NPIPB2: variants seen among roughly 807,000 people sequenced by gnomAD.
NPIPB2 encodes nuclear pore complex interacting protein family member B2.
Under a neutral mutation model 30.8 loss-of-function variants are expected in NPIPB2, and 27 were observed. The ratio of observed to expected loss-of-function variants is 0.88; its 90% confidence interval spans 0.65 to 1.21. The LOEUF is 1.21. Ranked by LOEUF, NPIPB2 falls within the 50% of genes most tolerant of loss-of-function variation. The pLI is 0.00. For missense variants in NPIPB2, 440 were observed against 446.2 expected, an observed-to-expected ratio of 0.99 and a Z score of 0.13; for synonymous variants, 147 against 162.0, an observed-to-expected ratio of 0.91 and a Z score of 0.70.
In NPIPB2 at chr16:11,972,862, C is replaced by CAA. The variant is rs200717499; in HGVS notation, c.-584+3704_-584+3705dup. ...CTGGCAACAGAGCGAGATTCGGACT[C>CAA]AAAAAAAAAAAAAAATAGCTGGGCG... is the stretch of plus-strand genomic sequence containing the variant. On this transcript the variant is annotated intron_variant, in intron 1 of 5. Coordinates refer to the NPIPB2 transcript ENST00000538896. 4.5e-3 allele frequency among the ~76,000 whole-genome samples: 449 copies of CAA among 100,378 alleles called. 3 individuals are homozygous for CAA. The highest frequency in any genetic ancestry group is 0.016 in the African/African-American group (405 of 25,504). 65.9% of individuals were successfully genotyped at this position (100,378 alleles called of 152,430 possible).
intron 1 of NPIPB2, chr16:11,965,532 C>A: frequency 7.1e-7 from 1 of 1,418,412 alleles, no homozygotes; most frequent in Non-Finnish European, 9.7e-7. Flanking sequence ...AGAGAATCAA[C>A]ATAATGGGCA....
intron 1 of NPIPB2, among the ~76,000 whole-genome samples, chr16:11,951,666 A>ACACACACACCCC (rs1226047972): frequency 0.019 from 2,667 of 138,722 alleles, 71 homozygotes; most frequent in East Asian, 0.058. Context: ...ACACACACAC[A>ACACACACACCCC]CCCAGCCCCC....
At chr16:11,971,435 G>A (rs1391518125) in intron 1 of NPIPB2, among the ~76,000 whole-genome samples, 1 of 151,636 alleles carries the variant, frequency 6.6e-6, no homozygotes, top group Non-Finnish European at 1.5e-5. Context: ...AAGCAGGTAT[G>A]GGGGAGTGGG....
At chr16:11,937,095 G>C (rs2054877295) in intron 2 of NPIPB2, among the ~76,000 whole-genome samples, 2 of 151,860 alleles carry the variant, frequency 1.3e-5, no homozygotes, top group Non-Finnish European at 2.9e-5. Flanking sequence ...TTTTCAGCTG[G>C]TTCCCATGTT....
chr16:11,951,454 C>G (rs2055061104), intron 1 of NPIPB2, among the ~76,000 whole-genome samples: 1 of 72,894 alleles, frequency 1.4e-5, no homozygotes, highest in African/African-American at 5.6e-5. Flanking sequence ...ACAGACAAGA[C>G]TGTCTCAAAA....
chr16:11,947,265 G>A (rs1213357191), intron 1 of NPIPB2, among the ~76,000 whole-genome samples: 1 of 146,702 alleles, frequency 6.8e-6, no homozygotes, highest in Non-Finnish European at 1.5e-5. Context: ...TGAATGGTGT[G>A]TGTGTGTGTG....
intron 1 of NPIPB2, among the ~76,000 whole-genome samples, chr16:11,960,343 G>C (rs1056682662): frequency 6.7e-6 from 1 of 148,542 alleles, no homozygotes; most frequent in Middle Eastern, 3.5e-3. Flanking sequence ...GGCTTCCCAG[G>C]TATGGTTCCC....
chr16:11,938,782 T>G (rs1024045881), intron 1 of NPIPB2, among the ~76,000 whole-genome samples: 11 of 152,192 alleles, frequency 7.2e-5, no homozygotes, highest in African/African-American at 2.2e-4. Context: ...AAAGTTTTGC[T>G]CTGTCACCCA....
intron 1 of NPIPB2, among the ~76,000 whole-genome samples, chr16:11,960,029 C>G (rs1446020062): frequency 6.6e-6 from 1 of 152,198 alleles, no homozygotes; most frequent in Non-Finnish European, 1.5e-5. Context: ...TCTACCTCAG[C>G]CTACCAAAAT....
chr16:11,970,340 G>A (rs955358134), intron 1 of NPIPB2, among the ~76,000 whole-genome samples: 1 of 152,104 alleles, frequency 6.6e-6, no homozygotes, highest in African/African-American at 2.4e-5. Context: ...AGCCTCCTGA[G>A]TAGCTGGGAC....
At chr16:11,974,460 T>G (rs973406667) in intron 1 of NPIPB2, among the ~76,000 whole-genome samples, 1 of 151,938 alleles carries the variant, frequency 6.6e-6, no homozygotes, top group Non-Finnish European at 1.5e-5. Flanking sequence ...GAGGTTGTAG[T>G]GAGCCGAGAT....
At chr16:11,976,428 C>T (rs2055298192) in intron 1 of NPIPB2, 1 of 228,836 alleles carries the variant, frequency 4.4e-6, no homozygotes, top group African/African-American at 2.3e-5. Context: ...TGTCCCGTTC[C>T]TCTATTTTTA....
intron 2 of NPIPB2, among the ~76,000 whole-genome samples, chr16:11,935,724 A>G (rs1234921835): frequency 6.8e-6 from 1 of 147,642 alleles, no homozygotes; most frequent in Non-Finnish European, 1.5e-5. Flanking sequence ...GGGTAATCTA[A>G]AAAGATGAAA....
At chr16:11,966,046 G>T (rs539337453) in intron 1 of NPIPB2, 1 of 602,842 alleles carries the variant, frequency 1.7e-6, no homozygotes, top group Middle Eastern at 5.0e-4. Context: ...GGGAGGTGGA[G>T]GTTGCAGTGA....
At chr16:11,939,432 C>T (rs1473775600) in intron 1 of NPIPB2, among the ~76,000 whole-genome samples, 1 of 148,742 alleles carries the variant, frequency 6.7e-6, no homozygotes, top group Non-Finnish European at 1.5e-5. Flanking sequence ...TGGTGGCACG[C>T]GCCTATAGTT....
intron 2 of NPIPB2, among the ~76,000 whole-genome samples, chr16:11,935,999 A>G (rs2054860999): frequency 1.4e-5 from 2 of 143,140 alleles, no homozygotes. Flanking sequence ...ATTGTTAAAA[A>G]GTGGTAAATT....
exon 1 of NPIPB2, chr16:11,942,029 C>G: frequency 1.3e-5 from 17 of 1,359,758 alleles, no homozygotes; most frequent in Non-Finnish European, 1.7e-5. Flanking sequence ...CCATTCATAT[C>G]CTAAGCAACA....
intron 1 of NPIPB2, among the ~76,000 whole-genome samples, chr16:11,963,380 C>CAA (rs35810741): frequency 4.3e-4 from 27 of 62,592 alleles, no homozygotes; most frequent in Middle Eastern, 0.012. Flanking sequence ...AACTCCAGCT[C>CAA]AAAAAAAAAA....
chr16:11,950,402 T>C (rs2150926693), intron 1 of NPIPB2, among the ~76,000 whole-genome samples: 1 of 152,262 alleles, frequency 6.6e-6, no homozygotes, highest in East Asian at 1.9e-4. Context: ...ACTCATGGGC[T>C]CAAGCAATCC....
Sources: gnomAD v4.1 joint callset for allele counts (sites outside exome capture counted in the v4.1 genomes callset) on GRCh38, gnomAD v4.1.1 for gene constraint, MANE v1.5 for transcripts, NCBI Gene and HGNC (gene_info 2026-07-23, HGNC 2026-07-21) for gene names.